The following CCDC125 variants were observed in gnomAD, a reference collection of about 807,000 sequenced individuals.
CCDC125 encodes coiled-coil domain containing 125.
A neutral mutation model predicts 57.4 loss-of-function variants in CCDC125; 43 were observed. The ratio of observed to expected loss-of-function variants is 0.75; its 90% CI spans 0.59 to 0.97. The LOEUF is 0.97. CCDC125 is among the 50% of genes least tolerant of loss of function. The pLI, the probability that CCDC125 is intolerant of heterozygous loss-of-function variation, is 0.00. For synonymous variants in CCDC125, 187 were observed against 195.2 expected, an observed-to-expected ratio of 0.96 and a Z score of 0.35; for missense variants, 563 against 595.7, an observed-to-expected ratio of 0.95 and a Z score of 0.57.
In CCDC125 at chr5:69,314,095, T is replaced by C. The variant is rs770548572; in HGVS notation, c.305-49A>G. 24 of 1,245,334 alleles carry C rather than the reference T, an allele frequency of 1.9e-5. No individual in the cohort carries two copies. The East Asian group carries it at 4.6e-4, about 24-fold the overall frequency. The allele number at this position is 1,245,334 out of a possible 1,614,324, so 77.1% of individuals were successfully genotyped here. A position where few individuals can be genotyped will look rare whatever the true frequency, so the allele number is the denominator to read the frequency against. ...CTATTAGGGGAAAAATTTTGAATAT[T>C]TTAACTAATTAAACATAGGACATTT... On this transcript the variant is annotated intron_variant, in intron 2 of 11. Coordinates refer to ENST00000396496, the MANE Select transcript of CCDC125 (RefSeq NM_176816.5).
At chr5:69,289,886 T>C (rs955548599) in intron 10 of CCDC125, among the ~76,000 whole-genome samples, 2 of 148,016 alleles carry the variant, frequency 1.4e-5, no homozygotes, top group South Asian at 2.1e-4. Flanking sequence ...AAAAAGCTAC[T>C]AAAACACTGT....
chr5:69,288,453 A>G (rs747191662), intron 10 of CCDC125, among the ~76,000 whole-genome samples: 3 of 152,134 alleles, frequency 2.0e-5, no homozygotes, highest in Non-Finnish European at 4.4e-5. Flanking sequence ...TAAAAACCCA[A>G]AAGGGTCTGG....
At chr5:69,319,469 T>C (rs965206862) in intron 2 of CCDC125, among the ~76,000 whole-genome samples, 17 of 151,348 alleles carry the variant, frequency 1.1e-4, no homozygotes, top group Middle Eastern at 3.4e-3. Flanking sequence ...TTTAGAAATA[T>C]AAACATCGAC....
At chr5:69,308,151 A>G in intron 4 of CCDC125, 123 bp from the exon 5 acceptor site, 1 of 711,242 alleles carries the variant, frequency 1.4e-6, no homozygotes, top group Non-Finnish European at 2.5e-6. Context: ...AGAATTTCAC[A>G]GTGACCACCT....
intron 1 of CCDC125, among the ~76,000 whole-genome samples, chr5:69,329,478 A>T (rs921350640): frequency 1.4e-5 from 2 of 142,806 alleles, no homozygotes; most frequent in African/African-American, 5.2e-5. Context: ...GTGAGCCACC[A>T]TGCCCAGCCA....
At chr5:69,329,739 A>G (rs974579819) in intron 1 of CCDC125, among the ~76,000 whole-genome samples, 1 of 150,072 alleles carries the variant, frequency 6.7e-6, no homozygotes, top group Non-Finnish European at 1.5e-5. Flanking sequence ...CTGACCTCAG[A>G]TGATCCACCT....
intron 1 of CCDC125, among the ~76,000 whole-genome samples, chr5:69,322,576 T>A (rs1284582025): frequency 6.6e-6 from 1 of 151,724 alleles, no homozygotes; most frequent in Non-Finnish European, 1.5e-5. Flanking sequence ...AAAAATTTTT[T>A]TTTTTTGAGA....
At chr5:69,273,091 CT>C in the CCDC125 span, 1 of 1,205,100 alleles carries the variant, frequency 8.3e-7, no homozygotes, top group Admixed American at 2.4e-5. Context: ...ATAATCTTAA[CT>C]GTAGCATTGA....
At chr5:69,278,703 C>CTTTTTTTTTT (rs34258569), downstream of CCDC125, among the ~76,000 whole-genome samples, 2 of 108,128 alleles carry the variant, frequency 1.8e-5, no homozygotes, top group Admixed American at 1.2e-4. Context: ...TCTCTCTCTC[C>CTTTTTTTTTT]TTTTTTTTTT....
intron 5 of CCDC125, among the ~76,000 whole-genome samples, chr5:69,307,291 G>A (rs955082627): frequency 1.3e-5 from 2 of 151,898 alleles, no homozygotes; most frequent in African/African-American, 4.8e-5. Context: ...GACCATCTAG[G>A]ATGATTCCTA....
intron 4 of CCDC125, chr5:69,310,478 A>G (rs12653208): frequency 0.11 from 17,215 of 158,602 alleles, 1,170 homozygotes; most frequent in African/African-American, 0.19. Context: ...CATGATTCTG[A>G]GGCCTTCACA....
intron 1 of CCDC125, among the ~76,000 whole-genome samples, chr5:69,321,852 T>A (rs1760070463): frequency 6.6e-6 from 1 of 152,340 alleles, no homozygotes; most frequent in Non-Finnish European, 1.5e-5. Context: ...TTTTTTTTCT[T>A]TTAGACGGAG....
chr5:69,301,617 T>TC (rs1304823688), intron 7 of CCDC125, among the ~76,000 whole-genome samples: 1 of 151,870 alleles, frequency 6.6e-6, no homozygotes, highest in Non-Finnish European at 1.5e-5. Context: ...GTGCCTATAA[T>TC]CCCAGCTACG....
At chr5:69,325,828 A>G (rs1760669618) in intron 1 of CCDC125, among the ~76,000 whole-genome samples, 1 of 133,900 alleles carries the variant, frequency 7.5e-6, no homozygotes, top group Admixed American at 7.4e-5. Flanking sequence ...TCTGTCTCAA[A>G]AAAAAAAAAA....
chr5:69,305,667 C>T (rs1580115370), intron 6 of CCDC125, among the ~76,000 whole-genome samples: 1 of 152,176 alleles, frequency 6.6e-6, no homozygotes, highest in East Asian at 1.9e-4. Context: ...AGGTTATCTA[C>T]TGGAACATCT....
At chr5:69,288,623 C>T (rs1753889341) in intron 10 of CCDC125, among the ~76,000 whole-genome samples, 1 of 152,156 alleles carries the variant, frequency 6.6e-6, no homozygotes, top group Non-Finnish European at 1.5e-5. Context: ...GAAGTGTTTC[C>T]CGGAGTTCTG....
Position 69,282,939 on chromosome 5 carries a change from A to G in CCDC125, c.1326T>C (p.Asn442=). ...TCTCTTTTATAGGATTTTTTTCTTT[A>G]TTCTCGTTTGAAGCAGTGTCTTTGT... ...LEDKDTASNE[N]KEKNPIKENF... The change falls in exon 12 of 12, where the codon AAT becomes AAC. Residue 442 remains asparagine (N), a synonymous_variant. Coordinates refer to ENST00000396496, the MANE Select transcript of CCDC125 (RefSeq NM_176816.5). The G allele has an allele frequency of 1.2e-6, 2 of 1,613,906 alleles. No homozygotes were observed. The highest frequency in any genetic ancestry group is 1.7e-6 in the Non-Finnish European group (2 of 1,179,954).
intron 2 of CCDC125, among the ~76,000 whole-genome samples, chr5:69,319,978 A>G (rs1053457679): frequency 6.6e-6 from 1 of 151,960 alleles, no homozygotes; most frequent in Non-Finnish European, 1.5e-5. Flanking sequence ...AAAATTAGCC[A>G]GGTGTAGTGG....
chr5:69,311,653 T>A (rs2150520709), intron 3 of CCDC125, among the ~76,000 whole-genome samples: 1 of 150,344 alleles, frequency 6.7e-6, no homozygotes, highest in East Asian at 2.0e-4. Flanking sequence ...CTGTCTCAAT[T>A]AAAAAAATAA....
Sources: allele counts gnomAD v4.1 joint callset (sites outside exome capture counted in the v4.1 genomes callset), GRCh38; gene constraint gnomAD v4.1.1; transcripts MANE v1.5; gene names NCBI Gene and HGNC (gene_info 2026-07-23, HGNC 2026-07-21).